MYH9: variants seen among roughly 807,000 people sequenced by gnomAD.
MYH9 encodes myosin-9.
MYH9 carries 29 observed loss-of-function variants against 241.9 expected under a neutral mutation model. The ratio of observed to expected loss-of-function variants is 0.12; its 90% CI spans 0.09 to 0.16. The LOEUF is 0.16. Ranked by LOEUF, MYH9 falls within the 10% of genes least tolerant of loss-of-function variation. MYH9 has a pLI of 1.00. For missense variants in MYH9, 1,803 were observed against 2,595.5 expected (o/e 0.69, Z 6.63); for synonymous variants, 1,047 against 1,062.6 (o/e 0.99, Z 0.29).
chr22:36,387,096 G>T (rs866318610), intron 1 of MYH9, among the ~76,000 whole-genome samples: 17 of 152,238 alleles, frequency 1.1e-4, no homozygotes, highest in African/African-American at 3.9e-4. Context: ...AGCAGGGACT[G>T]GGGGTGGCCC....
At chr22:36,338,079 C>T (rs1191859394) in intron 3 of MYH9, among the ~76,000 whole-genome samples, 1 of 151,974 alleles carries the variant, frequency 6.6e-6, no homozygotes, top group African/African-American at 2.4e-5. Context: ...CTCACTGCAA[C>T]CTCCGCCGCC....
At chr22:36,321,663 G>C (rs2017253644) in intron 7 of MYH9, 95 bp downstream of exon 7, 2 of 1,187,078 alleles carry the variant, frequency 1.7e-6, no homozygotes, top group Non-Finnish European at 2.5e-6. Context: ...CCCATAAAGG[G>C]GAAAGTGCTG....
At chr22:36,352,468 T>C (rs777441840) in intron 1 of MYH9, among the ~76,000 whole-genome samples, 23 of 152,142 alleles carry the variant, frequency 1.5e-4, no homozygotes, top group Non-Finnish European at 2.9e-4. Context: ...ACCCATCTGG[T>C]AGCCTGGCTT....
intron 5 of MYH9, among the ~76,000 whole-genome samples, chr22:36,324,171 C>T (rs917730074): frequency 1.3e-5 from 2 of 152,252 alleles, no homozygotes; most frequent in East Asian, 3.8e-4. Flanking sequence ...ACGCTGTTGC[C>T]GTGGAAAGTG....
At chr22:36,344,143 A>G (rs1294700764) in intron 2 of MYH9, among the ~76,000 whole-genome samples, 1 of 152,266 alleles carries the variant, frequency 6.6e-6, no homozygotes, top group Non-Finnish European at 1.5e-5. Flanking sequence ...CTGCGGAAAG[A>G]GCACTGAGGC....
In MYH9 at chr22:36,319,826, A is replaced by AC. The variant is rs10714524; in HGVS notation, c.1013-192dup. ...TGGGCCCAGCCACCCTAGAGGGCTC[A>AC]CCCCCTCCTGGCCGACATGGCCTGT... On this transcript the variant is annotated intron_variant, in intron 9 of 40. Transcript: ENST00000216181. 2.4e-3 allele frequency: 1,627 copies of AC among 671,424 alleles called. 17 individuals are homozygous for AC. In the African/African-American group the frequency reaches 0.025, roughly 10 times the overall value. 41.6% of individuals were successfully genotyped at this position (671,424 alleles called of 1,614,324 possible). A position where few individuals can be genotyped will look rare whatever the true frequency, so the allele number is the denominator to read the frequency against.
rs1403243957 is a variant in MYH9, at chr22:36,288,383, C to T, written c.4801G>A (p.Glu1601Lys). ...ACTGCCATCGAGCGCTGCTTCCTCTCGTCCTCCAGCTCTGCCTCCATCTCC... is the reference window on the plus strand; with the variant it reads ...ACTGCCATCGAGCGCTGCTTCCTCTTGTCCTCCAGCTCTGCCTCCATCTCC... ...VREMEAELED[E>K]RKQRSMAVAA... Residue 1601 changes from glutamate (E) to lysine (K), a missense_variant, in exon 34 of 41, where the codon GAG becomes AAG. By Grantham distance (56) the Glu-to-Lys change is moderately conservative. Coordinates refer to ENST00000216181, the MANE Select transcript of MYH9 (RefSeq NM_002473.6). This position sits in a 1 kb window ranked among gnomAD's most constrained non-coding sequence, Gnocchi z 4.8. The T allele has an allele frequency of 6.2e-7, 1 of 1,612,850 alleles. No homozygotes were observed. Among genetic ancestry groups the T allele is most frequent in the South Asian group, 1.1e-5 (1 of 91,080 alleles).
In MYH9 at chr22:36,306,663, G is replaced by C. The variant is rs2016976159; in HGVS notation, c.1844-56C>G. ...CCACACAGTTGCAGCTGGGTGGTGG[G>C]GGAGCACGTAGGAGAGAGAGACAGG... is the stretch of plus-strand genomic sequence containing the variant. On this transcript the variant is annotated intron_variant, in intron 15 of 40. Transcript: ENST00000216181. This position sits in a 1 kb window ranked among gnomAD's most constrained non-coding sequence, Gnocchi z 4.1. 7 of 1,542,622 alleles carry C rather than the reference G, an allele frequency of 4.5e-6. 1 individual carries two copies. In the South Asian group the frequency reaches 6.8e-5, roughly 15 times the overall value.
At chr22:36,317,399 T>C (rs563068136) in intron 11 of MYH9, among the ~76,000 whole-genome samples, 135 of 152,042 alleles carry the variant, frequency 8.9e-4, no homozygotes, top group African/African-American at 2.8e-3. Context: ...GTATTAAGAG[T>C]CATGTAGTAT....
intron 5 of MYH9, among the ~76,000 whole-genome samples, chr22:36,325,868 A>T (rs535559855): frequency 1.1e-4 from 16 of 152,356 alleles, no homozygotes; most frequent in African/African-American, 3.8e-4. Flanking sequence ...TCCTCCCAAG[A>T]CAGTCAGTGA....
intron 3 of MYH9, among the ~76,000 whole-genome samples, chr22:36,327,850 G>A (rs918800859): frequency 2.6e-5 from 4 of 152,170 alleles, no homozygotes; most frequent in Non-Finnish European, 5.9e-5. Context: ...ATAACGGGGT[G>A]GGGGGCTGAA....
intron 1 of MYH9, among the ~76,000 whole-genome samples, chr22:36,375,125 G>A (rs553535324): frequency 6.6e-6 from 1 of 152,184 alleles, no homozygotes; most frequent in Non-Finnish European, 1.5e-5. Flanking sequence ...CTCCTAGTAG[G>A]AGTCACTGCT....
At chr22:36,358,835 T>C (rs1308450023) in intron 1 of MYH9, among the ~76,000 whole-genome samples, 1 of 152,268 alleles carries the variant, frequency 6.6e-6, no homozygotes, top group Non-Finnish European at 1.5e-5. Context: ...ATTTCATTGA[T>C]ATTATTTGAT....
chr22:36,350,129 C>T (rs575351914), intron 1 of MYH9, among the ~76,000 whole-genome samples: 1 of 152,352 alleles, frequency 6.6e-6, no homozygotes, highest in African/African-American at 2.4e-5. Context: ...ATGGAGAATG[C>T]TAAGAGTGCT....
intron 1 of MYH9, among the ~76,000 whole-genome samples, chr22:36,349,831 C>T (rs2017737813): frequency 6.6e-6 from 1 of 152,190 alleles, no homozygotes; most frequent in Non-Finnish European, 1.5e-5. Context: ...GTCTCAAAGA[C>T]AGATGCAATT....
chr22:36,301,221 C>T (rs1453362181), intron 21 of MYH9, among the ~76,000 whole-genome samples, 164 bp from the exon 22 acceptor site: 1 of 152,202 alleles, frequency 6.6e-6, no homozygotes, highest in Non-Finnish European at 1.5e-5. Context: ...TTCCAGACAT[C>T]GTGTCCTTGA....
At position 36,316,632 on chromosome 22, in the gene MYH9, T is replaced by C. The variant is rs1223862358; in HGVS notation, c.1265A>G (p.Tyr422Cys). Residue 422 changes from tyrosine (Y) to cysteine (C), a missense_variant, in exon 12 of 41, where the codon TAT becomes TGT. Coordinates refer to ENST00000216181, the MANE Select transcript of MYH9 (RefSeq NM_002473.6). ...FAIEALAKAT[Y>C]ERMFRWLVLR... ...CACCAGCCAGCGGAACATCCGCTCA[T>C]AGGTCGCCTTGGCCAAGGCCTCGAT... 1 of 1,614,030 alleles carries C rather than the reference T, an allele frequency of 6.2e-7. No individual in the cohort carries two copies. The highest frequency in any genetic ancestry group is 8.5e-7 in the Non-Finnish European group (1 of 1,180,024).
intron 35 of MYH9, 118 bp from the exon 36 acceptor site, chr22:36,286,071 C>T: frequency 9.2e-7 from 1 of 1,081,326 alleles, no homozygotes; most frequent in Non-Finnish European, 1.4e-6. Flanking sequence ...CCACGAAGCC[C>T]TTCCTCCAGA....
Position 36,301,603 on chromosome 22 carries a change from C to T in MYH9, c.2562G>A (p.Leu854=), listed in dbSNP as rs1449206359. The part of the protein sequence containing the change: ...EEEMMAKEEE[L]VKVREKQLAA... ...CCAGCTGCTTCTCTCTGACCTTCAC[C>T]AGCTCCTCCTCCTTGGCCATCATCT... The change falls in exon 21 of 41, where the codon CTG becomes CTA. Residue 854 remains leucine (L), a synonymous_variant. Coordinates refer to ENST00000216181, the MANE Select transcript of MYH9 (RefSeq NM_002473.6). 6.2e-7 allele frequency: 1 copy of T among 1,614,044 alleles called. No individual in the cohort carries two copies. Among genetic ancestry groups the T allele is most frequent in the Non-Finnish European group, 8.5e-7 (1 of 1,180,032 alleles).
Sources: allele counts gnomAD v4.1 joint callset (sites outside exome capture counted in the v4.1 genomes callset), GRCh38; gene constraint gnomAD v4.1.1; non-coding constraint Gnocchi (gnomAD v3.1); transcripts MANE v1.5; gene names NCBI Gene and HGNC (gene_info 2026-07-23, HGNC 2026-07-21).